TRMT112: variants seen among roughly 807,000 people sequenced by gnomAD.
The protein encoded by TRMT112 is multifunctional methyltransferase subunit TRM112-like protein.
TRMT112 carries 9 observed loss-of-function variants against 13.8 expected under a neutral mutation model. The observed-to-expected ratio is 0.65, with a 90% CI of 0.39 to 1.14. The LOEUF is 1.14. Ranked by LOEUF, TRMT112 falls within the 50% of genes most tolerant of loss-of-function variation. The probability of loss-of-function intolerance (pLI) is 0.01; values close to 1 mark genes in which losing one functional copy is unlikely to be tolerated. For missense variants in TRMT112, 196 were observed against 165.5 expected, an observed-to-expected ratio of 1.18 and a Z score of -1.01; for synonymous variants, 64 against 67.0, an observed-to-expected ratio of 0.96 and a Z score of 0.22.
upstream of TRMT112, chr11:64,318,087 T>C: frequency 6.2e-6 from 9 of 1,458,224 alleles, no homozygotes; most frequent in South Asian, 1.3e-4. Flanking sequence ...GGGTGGCCGC[T>C]CGCGCCTGCG....
At chr11:64,317,879 G>C, upstream of TRMT112, 2 of 1,255,404 alleles carry the variant, frequency 1.6e-6, no homozygotes. Context: ...TAACACCGTC[G>C]TCCTCTGTAT....
chr11:64,318,446 C>T, upstream of TRMT112: 2 of 1,538,060 alleles, frequency 1.3e-6, no homozygotes, highest in South Asian at 1.2e-5. Flanking sequence ...ATCCCCGTCC[C>T]GCTAGTCTGA....
Position 64,316,617 on chromosome 11 carries a change from G to A in TRMT112, c.*244C>T. On this transcript the variant is annotated 3_prime_UTR_variant, in exon 4 of 4. Transcript: ENST00000544844. ...GGCCAGGGAGGCGCAGGGACATGGGGCAAGCCAGGGCCCAGAGCCCTTGGC... is the reference window on the plus strand; with the variant it reads ...GGCCAGGGAGGCGCAGGGACATGGGACAAGCCAGGGCCCAGAGCCCTTGGC... The A allele has an allele frequency of 4.1e-6, 2 of 485,536 alleles. No homozygotes were observed. The highest frequency in any genetic ancestry group is 2.4e-5 in the South Asian group (1 of 41,260). The allele number at this position is 485,536 out of a possible 1,614,324, so 30.1% of individuals were successfully genotyped here.
chr11:64,318,203 C>T (rs761408760), upstream of TRMT112: 74 of 1,610,864 alleles, frequency 4.6e-5, no homozygotes, highest in Admixed American at 1.2e-3. Context: ...GTGGAAGTGG[C>T]CGTGGGGCGG....
At chr11:64,318,022 C>G (rs1318245563), upstream of TRMT112, 1 of 1,414,176 alleles carries the variant, frequency 7.1e-7, no homozygotes, top group East Asian at 2.7e-5. Flanking sequence ...GTAGTTGCGT[C>G]GGCTGTCCAG....
Position 64,317,150 on chromosome 11 carries a change from G to A in TRMT112, c.181-3C>T. 6.2e-7 allele frequency: 1 copy of A among 1,614,136 alleles called. No homozygotes were observed. Among genetic ancestry groups the A allele is most frequent in the Non-Finnish European group, 8.5e-7 (1 of 1,179,996 alleles). On this transcript the variant is annotated splice_polypyrimidine_tract_variant and splice_region_variant and intron_variant, in intron 2 of 3. Coordinates refer to ENST00000544844, the MANE Select transcript of TRMT112 (RefSeq NM_016404.3). The stretch of plus-strand genomic sequence containing the variant: ...TTCGGCACCTGGATCAGACGCAACT[G>A]TGGGCAAGAGGCCAAAATTATCTCC...
Position 64,316,908 on chromosome 11 carries a change from G to T in TRMT112, c.331C>A (p.Arg111Ser). Residue 111 changes from arginine (R) to serine (S), a missense_variant, in exon 4 of 4, where the codon CGC (arginine) becomes AGC (serine). Transcript: ENST00000544844. ...CTCAGCAGCATGTTGGGGATCCCGC[G>T]GCTGATGGGGAACATACGTCCAGAT... ...PESGRMFPIS[R>S]GIPNMLLSEE... 1 of 1,611,252 alleles carries T rather than the reference G, an allele frequency of 6.2e-7. No individual in the cohort carries two copies. The highest frequency in any genetic ancestry group is 8.5e-7 in the Non-Finnish European group (1 of 1,178,170).
chr11:64,318,518 C>T (rs2135273632), upstream of TRMT112: 1 of 1,216,936 alleles, frequency 8.2e-7, no homozygotes, highest in South Asian at 1.4e-5. Context: ...CTCATCCCTT[C>T]AGAAGGCCCT....
At position 64,317,471 on chromosome 11, in the gene TRMT112, C is replaced by T. The variant is rs776373517; in HGVS notation, c.56G>A (p.Arg19His). The change falls in exon 1 of 4, where the codon CGT (arginine) becomes CAT (histidine). Residue 19 changes from arginine (R) to histidine (H), a missense_variant. Arg to His is a conservative substitution (Grantham distance 29, BLOSUM62 0). Coordinates refer to ENST00000544844, the MANE Select transcript of TRMT112 (RefSeq NM_016404.3). The part of the protein sequence containing the change: ...LSSHVRGVGS[R>H]GFPLRLQATE... ...TACCTGGAGGCGCAGGGGGAAGCCA[C>T]GGGACCCCACCCCCCGCACATGCGA... is the stretch of plus-strand genomic sequence containing the variant. 6.2e-7 allele frequency: 1 copy of T among 1,608,954 alleles called. No individual in the cohort carries two copies. The highest frequency in any genetic ancestry group is 8.5e-7 in the Non-Finnish European group (1 of 1,177,386).
rs778654155 is a variant in TRMT112, at chr11:64,317,365, C to A, written c.79G>T (p.Ala27Ser). The A allele has an allele frequency of 6.2e-7, 1 of 1,614,142 alleles. No individual in the cohort carries two copies. The highest frequency in any genetic ancestry group is 2.2e-5 in the East Asian group (1 of 44,876). ...ACAGGGCAGATACGGACCTCGGTGG[C>A]CTGCAGGGCGGAGGAGTTTAGGCAA... ...GSRGFPLRLQATEVRICPVEF... is the reference protein window; with the variant it reads ...GSRGFPLRLQSTEVRICPVEF... Residue 27 changes from alanine to serine, a missense_variant and splice_region_variant, in exon 2 of 4, where the codon GCC (alanine) becomes TCC (serine). Ala to Ser is a moderately conservative substitution (Grantham distance 99). Coordinates refer to ENST00000544844, the MANE Select transcript of TRMT112 (RefSeq NM_016404.3).
At chr11:64,317,230 C>T (rs1591250434) in intron 2 of TRMT112, 34 bp downstream of exon 2, 2 of 1,608,562 alleles carry the variant, frequency 1.2e-6, no homozygotes, top group Middle Eastern at 1.7e-4. Flanking sequence ...CCCGCATTCC[C>T]CGGGATATGC....
upstream of TRMT112, chr11:64,317,650 G>T: frequency 9.2e-7 from 1 of 1,086,530 alleles, no homozygotes; most frequent in Non-Finnish European, 1.3e-6. Flanking sequence ...CGAACTTGCT[G>T]GAACTTCTCG....
Position 64,316,813 on chromosome 11 carries a change from T to G in TRMT112, c.*48A>C. The G allele has an allele frequency of 7.6e-7, 1 of 1,321,452 alleles. No individual in the cohort carries two copies. The allele number at this position is 1,321,452 out of a possible 1,614,324, so 81.9% of individuals were successfully genotyped here. ...GCAGAATTCGGAAACAGGGTATAGA[T>G]CAACAAAAATACACAGTCATAACAA... On this transcript the variant is annotated 3_prime_UTR_variant, in exon 4 of 4. Coordinates refer to ENST00000544844, the MANE Select transcript of TRMT112 (RefSeq NM_016404.3).
At chr11:64,318,410 T>A (rs1591253879), upstream of TRMT112, 1 of 1,589,450 alleles carries the variant, frequency 6.3e-7, no homozygotes, top group Admixed American at 1.7e-5. Flanking sequence ...CGGCCGGGCC[T>A]GACATCCCCC....
chr11:64,317,679 T>C, upstream of TRMT112: 2 of 879,348 alleles, frequency 2.3e-6, no homozygotes, highest in Non-Finnish European at 3.4e-6. Flanking sequence ...GGAGCTGAGG[T>C]AGGTAGGTGA....
At chr11:64,318,171 G>C, upstream of TRMT112, 1 of 1,607,888 alleles carries the variant, frequency 6.2e-7, no homozygotes, top group Non-Finnish European at 8.5e-7. Context: ...GCCTGCTGCG[G>C]TGGCACCAGC....
chr11:64,318,430 A>T (rs769297245), upstream of TRMT112: 4 of 1,561,804 alleles, frequency 2.6e-6, no homozygotes, highest in Non-Finnish European at 3.5e-6. Flanking sequence ...CACTACCCCC[A>T]TGGCAATCCC....
upstream of TRMT112, chr11:64,318,417 C>G: frequency 1.3e-6 from 2 of 1,579,520 alleles, no homozygotes; most frequent in Non-Finnish European, 1.7e-6. Context: ...GCCTGACATC[C>G]CCCACTACCC....
rs532735604 is a variant in TRMT112 at position 64,317,141 on chromosome 11, G to A, written c.187C>T (p.Leu63=). 3 of 1,614,166 alleles carry A rather than the reference G, an allele frequency of 1.9e-6. No individual in the cohort carries two copies. The highest frequency in any genetic ancestry group is 2.2e-5 in the South Asian group (2 of 91,084). Residue 63 remains leucine, a synonymous_variant, in exon 3 of 4, where the codon CTG becomes TTG. Transcript: ENST00000544844. ...AFLEAADNLR[L]IQVPKGPVEG... ...ACCGGCCCTTTCGGCACCTGGATCA[G>A]ACGCAACTGTGGGCAAGAGGCCAAA...
Sources: gnomAD v4.1 joint callset for allele counts on GRCh38, gnomAD v4.1.1 for gene constraint, MANE v1.5 for transcripts, NCBI Gene and HGNC (gene_info 2026-07-23, HGNC 2026-07-21) for gene names.